The following TRIO variants were observed in gnomAD, a reference collection of about 807,000 sequenced individuals.
TRIO encodes triple functional domain protein.
A neutral mutation model predicts 351.9 loss-of-function variants in TRIO; 58 were observed. The observed-to-expected ratio is 0.16, with a 90% confidence interval of 0.13 to 0.21. TRIO has a LOEUF of 0.21. Among genes scored for constraint, TRIO ranks in the 10% least tolerant of loss-of-function variants. TRIO has a pLI of 1.00. For synonymous variants in TRIO, 1,758 were observed against 1,595.7 expected, an observed-to-expected ratio of 1.10 and a Z score of -2.42; for missense variants, 3,201 against 4,027.8, an observed-to-expected ratio of 0.79 and a Z score of 5.56.
chr5:14,425,619 G>T (rs1237976556), intron 34 of TRIO, among the ~76,000 whole-genome samples: 1 of 152,098 alleles, frequency 6.6e-6, no homozygotes, highest in Admixed American at 6.5e-5. Context: ...GAATGTTTGC[G>T]TCCTTCCAAA....
intron 5 of TRIO, among the ~76,000 whole-genome samples, chr5:14,292,743 T>TG (rs1393028659): frequency 2.0e-5 from 3 of 152,206 alleles, no homozygotes; most frequent in African/African-American, 7.2e-5. Flanking sequence ...TTAATCAGCC[T>TG]GGGGGATTAG....
chr5:14,498,893 G>T (rs546523910), intron 53 of TRIO: 6 of 416,948 alleles, frequency 1.4e-5, no homozygotes, highest in Non-Finnish European at 2.5e-5. Flanking sequence ...GAGGATGGGG[G>T]CCTGCCTGGT....
At chr5:14,206,982 T>C (rs1393073183) in intron 1 of TRIO, among the ~76,000 whole-genome samples, 1 of 152,180 alleles carries the variant, frequency 6.6e-6, no homozygotes. Context: ...GGATCACAAA[T>C]CTAAATTTAA....
At chr5:14,156,131 G>A (rs1391439452) in intron 1 of TRIO, among the ~76,000 whole-genome samples, 1 of 151,650 alleles carries the variant, frequency 6.6e-6, no homozygotes, top group African/African-American at 2.4e-5. Context: ...GATTTGGCTA[G>A]TGGGAGCCCC....
chr5:14,397,692 C>T (rs188673168), intron 29 of TRIO, among the ~76,000 whole-genome samples: 14 of 152,324 alleles, frequency 9.2e-5, no homozygotes, highest in Admixed American at 2.0e-4. Context: ...AAGCTTGGTT[C>T]TTGCCAGGCT....
At chr5:14,425,345 T>C (rs1750555505) in intron 34 of TRIO, among the ~76,000 whole-genome samples, 2 of 152,220 alleles carry the variant, frequency 1.3e-5, no homozygotes, top group Admixed American at 1.3e-4. Flanking sequence ...GGACTGTTTA[T>C]TTCTTGTAGA....
intron 1 of TRIO, among the ~76,000 whole-genome samples, chr5:14,180,710 G>A (rs1036147025): frequency 2.0e-5 from 3 of 152,090 alleles, no homozygotes; most frequent in African/African-American, 7.2e-5. Context: ...CGCAGTTGCA[G>A]TCCTAGCTAC....
intron 1 of TRIO, among the ~76,000 whole-genome samples, chr5:14,151,887 A>G (rs1204930547): frequency 6.6e-6 from 1 of 152,204 alleles, no homozygotes; most frequent in African/African-American, 2.4e-5. Flanking sequence ...TCTGCATGAC[A>G]GATATGCCAG....
In TRIO at chr5:14,270,903, A is replaced by G; in HGVS notation, c.232+4A>G. On this transcript the variant is annotated splice_donor_region_variant and intron_variant, in intron 2 of 56. Coordinates refer to ENST00000344204, the MANE Select transcript of TRIO (RefSeq NM_007118.4). ...GAAAAAGTTGCATACCTTTCAGGTA[A>G]AGTTTAACTTTCAACTCTGCTCTAT... is the stretch of plus-strand genomic sequence containing the variant. The G allele has an allele frequency of 6.2e-7, 1 of 1,610,230 alleles. No individual in the cohort carries two copies. The highest frequency in any genetic ancestry group is 2.2e-5 in the East Asian group (1 of 44,858).
chr5:14,382,447 G>A (rs1561420265), intron 21 of TRIO, among the ~76,000 whole-genome samples: 2 of 152,176 alleles, frequency 1.3e-5, no homozygotes, highest in East Asian at 1.9e-4. Flanking sequence ...CTATCCTGGA[G>A]GCTCACACAG....
intron 42 of TRIO, among the ~76,000 whole-genome samples, 181 bp from the exon 43 acceptor site, chr5:14,479,738 A>G (rs1453446344): frequency 1.3e-5 from 2 of 152,214 alleles, no homozygotes; most frequent in Non-Finnish European, 1.5e-5. Context: ...TTGAAAAACA[A>G]CTCAGGTGAA....
chr5:14,326,810 C>T (rs952466551), intron 9 of TRIO, among the ~76,000 whole-genome samples: 1 of 152,148 alleles, frequency 6.6e-6, no homozygotes, highest in African/African-American at 2.4e-5. Flanking sequence ...GTTACTTAGA[C>T]CAGGTATATT....
intron 1 of TRIO, among the ~76,000 whole-genome samples, chr5:14,229,714 A>G (rs1366146753): frequency 6.6e-6 from 1 of 152,212 alleles, no homozygotes; most frequent in Non-Finnish European, 1.5e-5. Context: ...TGTAACGCTC[A>G]TTGTAGTGTC....
At chr5:14,375,878 A>G (rs958871679) in intron 19 of TRIO, among the ~76,000 whole-genome samples, 31 of 152,218 alleles carry the variant, frequency 2.0e-4, no homozygotes, top group Non-Finnish European at 4.1e-4. Context: ...TCAGATTTCA[A>G]AGTTTTAATT....
chr5:14,397,676 T>A (rs1747726632), intron 29 of TRIO, among the ~76,000 whole-genome samples: 1 of 152,222 alleles, frequency 6.6e-6, no homozygotes. Context: ...CTCTTCCTGT[T>A]GTGCAAAGCT....
intron 1 of TRIO, among the ~76,000 whole-genome samples, chr5:14,226,843 C>G (rs948935485): frequency 4.6e-5 from 2 of 43,666 alleles, no homozygotes; most frequent in South Asian, 1.5e-3. Context: ...GGCCGATGGC[C>G]GGGAAGTCAG....
intron 34 of TRIO, among the ~76,000 whole-genome samples, chr5:14,436,331 A>C (rs1751585189): frequency 6.6e-6 from 1 of 152,296 alleles, no homozygotes; most frequent in African/African-American, 2.4e-5. Context: ...TCACAAGTAC[A>C]GCACGGGAAA....
intron 34 of TRIO, among the ~76,000 whole-genome samples, chr5:14,455,531 C>T (rs1333580493): frequency 2.0e-5 from 3 of 150,078 alleles, no homozygotes; most frequent in Admixed American, 2.0e-4. Flanking sequence ...TATTTACAAT[C>T]CTTTAGCTAG....
At chr5:14,232,058 C>G (rs1793467815) in intron 1 of TRIO, among the ~76,000 whole-genome samples, 1 of 152,120 alleles carries the variant, frequency 6.6e-6, no homozygotes, top group African/African-American at 2.4e-5. Context: ...TATGTTATCT[C>G]ACTTAATCTT....
Sources: gnomAD v4.1 joint callset for allele counts (sites outside exome capture counted in the v4.1 genomes callset) on GRCh38, gnomAD v4.1.1 for gene constraint, MANE v1.5 for transcripts, NCBI Gene and HGNC (gene_info 2026-07-23, HGNC 2026-07-21) for gene names.